Variants in GABRR3 observed in about 807,000 individuals in gnomAD.
GABRR3 encodes the protein gamma-aminobutyric acid receptor subunit rho-3.
A neutral mutation model predicts 43.2 loss-of-function variants in GABRR3; 29 were observed. The observed-to-expected ratio is 0.67, with a 90% CI of 0.50 to 0.92. The LOEUF (loss-of-function observed/expected upper bound fraction) is 0.92, where lower values mean the gene tolerates loss of function less well. GABRR3 is among the 40% of genes least tolerant of loss of function. GABRR3 has a pLI of 0.00. For missense variants in GABRR3, 576 were observed against 572.3 expected (o/e 1.01, Z -0.07); for synonymous variants, 206 against 195.9 (o/e 1.05, Z -0.43).
chr3:97,986,705 A>G (rs750872154), exon 10 of GABRR3: 1 of 1,558,444 alleles, frequency 6.4e-7, no homozygotes, highest in Non-Finnish European at 8.7e-7. Flanking sequence ...ACCCCAGTAA[A>G]ACAAATTAAA....
intron 9 of GABRR3, among the ~76,000 whole-genome samples, chr3:97,991,715 G>A (rs894760062): frequency 1.3e-5 from 2 of 152,182 alleles, no homozygotes; most frequent in African/African-American, 4.8e-5. Context: ...AATAATCTCT[G>A]TAAGATCTAT....
chr3:98,007,865 T>C, exon 7 of GABRR3: 2 of 1,603,202 alleles, frequency 1.2e-6, no homozygotes, highest in Non-Finnish European at 1.7e-6. Flanking sequence ...CTTGTTTCCG[T>C]GTTTCCAGTA....
downstream of GABRR3, among the ~76,000 whole-genome samples, chr3:97,986,230 A>C (rs571724113): frequency 1.3e-5 from 2 of 152,332 alleles, no homozygotes; most frequent in Admixed American, 1.3e-4. Flanking sequence ...CCTTCATAGG[A>C]TTCTCAGCTG....
intron 7 of GABRR3, among the ~76,000 whole-genome samples, chr3:98,007,099 A>T (rs764421296): frequency 1.1e-4 from 16 of 152,136 alleles, no homozygotes; most frequent in Admixed American, 3.3e-4. Context: ...AAAGCAGTCA[A>T]ATAAACGCAT....
chr3:97,989,065 G>A (rs1576033731), intron 9 of GABRR3, among the ~76,000 whole-genome samples: 2 of 151,730 alleles, frequency 1.3e-5, no homozygotes, highest in East Asian at 3.9e-4. Flanking sequence ...GGTGATGGTG[G>A]TGGATGGTGT....
At chr3:97,988,079 C>T (rs567539248) in intron 9 of GABRR3, among the ~76,000 whole-genome samples, 2 of 151,950 alleles carry the variant, frequency 1.3e-5, no homozygotes, top group South Asian at 2.1e-4. Context: ...AGTTCCAGCC[C>T]GGATGGGGCT....
exon 6 of GABRR3, chr3:98,009,026 C>A (rs913453364): frequency 6.2e-7 from 1 of 1,604,208 alleles, no homozygotes; most frequent in South Asian, 1.1e-5. Flanking sequence ...AGCACATGGC[C>A]GAAACCGTTA....
At chr3:98,009,128 TG>T in intron 5 of GABRR3, 90 bp from the exon 6 acceptor site, 1 of 781,020 alleles carries the variant, frequency 1.3e-6, no homozygotes. Context: ...TACTGTTTGC[TG>T]GTTCTGTGTG....
Position 98,020,873 on chromosome 3 carries a change from T to TC in GABRR3, c.239-3152_239-3151insG, listed in dbSNP as rs1219222319. On this transcript the variant is annotated intron_variant, in intron 3 of 9. Coordinates refer to ENST00000621172, the Ensembl canonical transcript of GABRR3. ...ATTTCTTTTTCTTTTTCTTTTTCTT[T>TC]TTTTTTTTTTTTTTGAGATGGAGTC... Among the ~76,000 whole-genome samples the TC allele has an allele frequency of 6.3e-4, 31 of 49,008 alleles. No individual in the cohort carries two copies. In the East Asian group the frequency reaches 0.028, roughly 44 times the overall value. The allele number at this position is 49,008 out of a possible 152,430, so 32.2% of individuals were successfully genotyped here.
In GABRR3 at chr3:98,034,962, G is replaced by A. The variant is rs752069215; in HGVS notation, c.26C>T (p.Ser9Phe). The A allele has an allele frequency of 3.1e-6, 5 of 1,612,806 alleles. No individual in the cohort carries two copies. The East Asian group carries it at 8.9e-5, about 29-fold the overall frequency. ...CAATATGATCCAGATGTAGGTGAAG[G>A]AGACTAACTGGAAAGCCAGGACCAT... The change falls in exon 2 of 10, where the codon TCC becomes TTC. Residue 9 changes from serine (S) to phenylalanine (F), a missense_variant. Physicochemically the swap from Ser to Phe is radical, Grantham distance 155. Coordinates refer to ENST00000621172, the Ensembl canonical transcript of GABRR3.
chr3:97,991,748 C>T (rs1353742583), intron 9 of GABRR3, among the ~76,000 whole-genome samples: 2 of 151,878 alleles, frequency 1.3e-5, no homozygotes, highest in East Asian at 1.9e-4. Flanking sequence ...CAGGAAGGTT[C>T]GGTGTGAGAA....
At chr3:98,028,801 C>T (rs76943222) in intron 2 of GABRR3, among the ~76,000 whole-genome samples, 2,098 of 152,218 alleles carry the variant, frequency 0.014, 53 homozygotes, top group African/African-American at 0.048. Context: ...AGGTATAATA[C>T]ATTGTACCCC....
In GABRR3 at chr3:98,008,942, GA is replaced by G. The variant is rs1706755747; in HGVS notation, c.613+13del. The stretch of plus-strand genomic sequence containing the variant: ...AAATGATGTGCACTCACTCCACCAG[GA>G]AGTGAGACTTACAGCTTTCCAGTTC... On this transcript the variant is annotated intron_variant, in intron 6 of 9. Coordinates refer to ENST00000621172, the Ensembl canonical transcript of GABRR3. The G allele has an allele frequency of 6.5e-7, 1 of 1,544,250 alleles. No individual in the cohort carries two copies. The highest frequency in any genetic ancestry group is 1.4e-5 in the African/African-American group (1 of 73,540).
At chr3:98,034,786 A>C (rs1052657085) in intron 2 of GABRR3, 77 bp downstream of exon 2, 3 of 1,547,130 alleles carry the variant, frequency 1.9e-6, no homozygotes, top group East Asian at 2.3e-5. Context: ...ATACGTTTCC[A>C]GGTTTCCTGT....
chr3:98,017,422 A>G (rs1706885160), intron 4 of GABRR3, among the ~76,000 whole-genome samples: 1 of 152,228 alleles, frequency 6.6e-6, no homozygotes, highest in African/African-American at 2.4e-5. Context: ...GTGTTCCACC[A>G]CTAGAAATCC....
rs577593931 is a variant in GABRR3 at position 98,010,563 on chromosome 3, ACT to A, written c.531-1527_531-1526del. 4.8e-3 allele frequency among the ~76,000 whole-genome samples: 738 copies of A among 152,180 alleles called. 4 individuals are homozygous for A. The highest frequency in any genetic ancestry group is 0.017 in the African/African-American group (706 of 41,504). ...CCCCGGACCCAAAGTAAACAAAGAT[ACT>A]CTCATCACTTAGGATATTCCAAGGG... On this transcript the variant is annotated intron_variant, in intron 5 of 9. Coordinates refer to ENST00000621172, the Ensembl canonical transcript of GABRR3.
In GABRR3 at chr3:97,994,366, T is replaced by C. The variant is rs1055588997; in HGVS notation, c.908-1318A>G. ...ATCAAGATCAACACAACTTGGCAAT[T>C]TGACAGTACCATAGGAGGACTTGGA... On this transcript the variant is annotated intron_variant, in intron 8 of 9. Transcript: ENST00000621172. 2.6e-5 allele frequency among the ~76,000 whole-genome samples: 4 copies of C among 152,208 alleles called. No individual in the cohort carries two copies. The South Asian group carries it at 8.3e-4, about 31-fold the overall frequency.
At chr3:97,995,721 A>G (rs988497088) in intron 8 of GABRR3, among the ~76,000 whole-genome samples, 2 of 152,182 alleles carry the variant, frequency 1.3e-5, no homozygotes, top group Admixed American at 1.3e-4. Flanking sequence ...GGAGTATTAT[A>G]GTTACATTAA....
chr3:98,025,416 G>T (rs1342527088), intron 3 of GABRR3, 151 bp downstream of exon 3: 1 of 547,978 alleles, frequency 1.8e-6, no homozygotes, highest in Non-Finnish European at 3.2e-6. Context: ...CTCATCAATT[G>T]TTCTCATTAA....
Sources: gnomAD v4.1 joint callset for allele counts (sites outside exome capture counted in the v4.1 genomes callset) on GRCh38, gnomAD v4.1.1 for gene constraint, MANE v1.5 for transcripts, NCBI Gene and HGNC (gene_info 2026-07-23, HGNC 2026-07-21) for gene names.